ANKHD1: variants seen among roughly 807,000 people sequenced by gnomAD.
ANKHD1 encodes ankyrin repeat and KH domain-containing protein 1.
A neutral mutation model predicts 230.5 loss-of-function variants in ANKHD1; 31 were observed. The ratio of observed to expected loss-of-function variants is 0.13; its 90% CI spans 0.10 to 0.18. ANKHD1 has a LOEUF of 0.18. Ranked by LOEUF, ANKHD1 falls within the 10% of genes least tolerant of loss-of-function variation. The pLI is 1.00. For synonymous variants in ANKHD1, 1,074 were observed against 1,117.6 expected, an observed-to-expected ratio of 0.96 and a Z score of 0.78; for missense variants, 2,256 against 3,071.3, an observed-to-expected ratio of 0.73 and a Z score of 6.27.
At chr5:140,433,034 A>C (rs1773169572) in intron 1 of ANKHD1, among the ~76,000 whole-genome samples, 1 of 149,246 alleles carries the variant, frequency 6.7e-6, no homozygotes. Context: ...TGGACAATTC[A>C]TCTCCAAGCC....
At chr5:140,442,906 T>A (rs1002318563) in intron 5 of ANKHD1, among the ~76,000 whole-genome samples, 6 of 151,942 alleles carry the variant, frequency 3.9e-5, no homozygotes, top group Non-Finnish European at 5.9e-5. Context: ...TTATTAACTT[T>A]TTTTTTGTTT....
intron 1 of ANKHD1, among the ~76,000 whole-genome samples, chr5:140,410,920 T>G (rs187772867): frequency 8.5e-4 from 130 of 152,210 alleles, no homozygotes; most frequent in African/African-American, 3.0e-3. Flanking sequence ...AACAAAAAAA[T>G]GGTTAAAATG....
intron 10 of ANKHD1, among the ~76,000 whole-genome samples, chr5:140,473,324 G>A (rs1334982324): frequency 2.0e-5 from 3 of 151,934 alleles, no homozygotes; most frequent in Non-Finnish European, 4.4e-5. Context: ...CACCGTGCCT[G>A]GCCTAAGTTT....
chr5:140,481,129 A>T (rs932794450), intron 10 of ANKHD1, among the ~76,000 whole-genome samples: 1 of 152,092 alleles, frequency 6.6e-6, no homozygotes, highest in Non-Finnish European at 1.5e-5. Context: ...AAGGGAAAAA[A>T]CAAGTTGCTA....
At chr5:140,511,007 G>A (rs1239450933) in intron 22 of ANKHD1, among the ~76,000 whole-genome samples, 2 of 151,928 alleles carry the variant, frequency 1.3e-5, no homozygotes, top group African/African-American at 4.8e-5. Context: ...TTTACTTTTT[G>A]TAGAGACGAG....
At chr5:140,459,069 C>T in intron 8 of ANKHD1, 95 bp from the exon 9 acceptor site, 1 of 1,128,894 alleles carries the variant, frequency 8.9e-7, no homozygotes, top group South Asian at 3.5e-5. Flanking sequence ...ACCACAGAAG[C>T]AGAGAAGACA....
intron 1 of ANKHD1, among the ~76,000 whole-genome samples, chr5:140,402,774 G>A (rs1770072138): frequency 6.6e-6 from 1 of 152,078 alleles, no homozygotes; most frequent in Admixed American, 6.6e-5. Context: ...TTCAGTTTGA[G>A]ACAGGTTTGA....
chr5:140,476,747 AAG>A (rs1429970309), intron 10 of ANKHD1, among the ~76,000 whole-genome samples: 1 of 152,188 alleles, frequency 6.6e-6, no homozygotes, highest in Non-Finnish European at 1.5e-5. Flanking sequence ...CGTGGGATAC[AAG>A]AAACTACGGT....
rs1257964897 is a variant in ANKHD1 at position 140,497,061 on chromosome 5, T to G, written c.2787T>G (p.Pro929=). 6.2e-7 allele frequency: 1 copy of G among 1,614,164 alleles called. No homozygotes were observed. Among genetic ancestry groups the G allele is most frequent in the Admixed American group, 1.7e-5 (1 of 60,022 alleles). The part of the protein sequence containing the change: ...AEQIDFVPVQ[P]LSSPQCNFSS... ...AGATTGATTTTGTCCCAGTCCAGCC[T>G]TTATCATCTCCACAGTGTAACTTTT... The change falls in exon 15 of 34, where the codon CCT becomes CCG. Residue 929 remains proline (P), a synonymous_variant. Coordinates refer to ENST00000360839, the MANE Select transcript of ANKHD1 (RefSeq NM_017747.3).
At chr5:140,415,292 A>G (rs1013940222) in intron 1 of ANKHD1, among the ~76,000 whole-genome samples, 1 of 151,062 alleles carries the variant, frequency 6.6e-6, no homozygotes, top group Non-Finnish European at 1.5e-5. Context: ...CTGAGTCAGG[A>G]GAATTGCTGA....
Position 140,482,632 on chromosome 5 carries a change from G to C in ANKHD1, c.1835G>C (p.Gly612Ala). Residue 612 changes from glycine (G) to alanine (A), a missense_variant, in exon 11 of 34, where the codon GGT becomes GCT. Around this residue, in one of 13 missense-constraint regions of ANKHD1, gnomAD observed 179 missense variants for 261.8 expected, o/e 0.68. Transcript: ENST00000360839. ...RTPLMKAARA[G>A]HLCTVQFLIS... ...CCTTTGATGAAAGCTGCAAGAGCTGGTCATTTGTGCACTGTGCAGTTTCTT... is the reference window on the plus strand; with the variant it reads ...CCTTTGATGAAAGCTGCAAGAGCTGCTCATTTGTGCACTGTGCAGTTTCTT... The C allele has an allele frequency of 6.2e-7, 1 of 1,613,000 alleles. No individual in the cohort carries two copies.
At chr5:140,448,901 T>G (rs1437575866) in intron 6 of ANKHD1, among the ~76,000 whole-genome samples, 1 of 152,244 alleles carries the variant, frequency 6.6e-6, no homozygotes, top group Non-Finnish European at 1.5e-5. Flanking sequence ...GCTTTCTATT[T>G]GATCTCAGTG....
chr5:140,460,833 G>A lies in ANKHD1; in HGVS notation c.1672+1478G>A, dbSNP rs576329314. Among the ~76,000 whole-genome samples, 4 of 152,248 alleles carry A rather than the reference G, an allele frequency of 2.6e-5. No individual in the cohort carries two copies. In the South Asian group the frequency reaches 6.2e-4, roughly 24 times the overall value. On this transcript the variant is annotated intron_variant, in intron 9 of 33. Coordinates refer to ENST00000360839, the MANE Select transcript of ANKHD1 (RefSeq NM_017747.3). ...ACCACACCCGGCCTTAAACCAGATT[G>A]TGAATGGTTTGGATGATTTATGGTT...
At chr5:140,403,351 G>A (rs1175618393) in intron 1 of ANKHD1, among the ~76,000 whole-genome samples, 1 of 151,994 alleles carries the variant, frequency 6.6e-6, no homozygotes, top group East Asian at 1.9e-4. Flanking sequence ...CACATTTTTA[G>A]GTCTGAGCAA....
At chr5:140,468,143 C>T (rs1203212138) in intron 10 of ANKHD1, among the ~76,000 whole-genome samples, 1 of 129,726 alleles carries the variant, frequency 7.7e-6, no homozygotes, top group African/African-American at 3.0e-5. Flanking sequence ...GGCACGATCT[C>T]GGCTCACTGC....
At chr5:140,503,553 C>CTGTTTTTTT (rs1752400033) in intron 15 of ANKHD1, among the ~76,000 whole-genome samples, 1 of 51,418 alleles carries the variant, frequency 1.9e-5, no homozygotes, top group Non-Finnish European at 3.3e-5. Context: ...AGTTTTCTTT[C>CTGTTTTTTT]TTTTTTTTTT....
intron 1 of ANKHD1, among the ~76,000 whole-genome samples, chr5:140,422,339 G>C (rs1053976865): frequency 6.6e-6 from 1 of 151,958 alleles, no homozygotes; most frequent in Admixed American, 6.6e-5. Context: ...TGGGCAGGCT[G>C]GTCTCAAACT....
At position 140,459,284 on chromosome 5, in the gene ANKHD1, G is replaced by T. The variant is rs1173446719; in HGVS notation, c.1601G>T (p.Gly534Val). The T allele has an allele frequency of 6.2e-7, 1 of 1,601,594 alleles. No individual in the cohort carries two copies. Among genetic ancestry groups the T allele is most frequent in the Non-Finnish European group, 8.5e-7 (1 of 1,171,384 alleles). Residue 534 changes from glycine (G) to valine (V), a missense_variant, in exon 9 of 34, where the codon GGC (glycine) becomes GTC (valine). Around this residue, in one of 13 missense-constraint regions of ANKHD1, gnomAD observed 179 missense variants for 261.8 expected, o/e 0.68. Transcript: ENST00000360839. ...AAGGCAGGGGCTGATATAGAACTTGGCTGCTCCACACCTCTGATGGAGGCA... is the reference window on the plus strand; with the variant it reads ...AAGGCAGGGGCTGATATAGAACTTGTCTGCTCCACACCTCTGATGGAGGCA... Reference protein sequence around the residue: ...LIKAGADIELGCSTPLMEASQ... With the variant: ...LIKAGADIELVCSTPLMEASQ...
chr5:140,412,228 G>C (rs1029999034), intron 1 of ANKHD1, among the ~76,000 whole-genome samples: 25 of 152,064 alleles, frequency 1.6e-4, no homozygotes, highest in Middle Eastern at 6.8e-3. Context: ...AGTAGAGATG[G>C]GGTTTCACCA....
Sources: allele counts gnomAD v4.1 joint callset (sites outside exome capture counted in the v4.1 genomes callset), GRCh38; gene constraint gnomAD v4.1.1; regional missense constraint gnomAD v4.1.1; transcripts MANE v1.5; gene names NCBI Gene and HGNC (gene_info 2026-07-23, HGNC 2026-07-21).